The following DYDC2 variants were observed in gnomAD, a reference collection of about 807,000 sequenced individuals.
DYDC2 encodes the protein DPY30 domain containing 2, also known as DPY30 domain-containing protein 2.
In DYDC2, 19 loss-of-function variants were observed where a neutral mutation model predicts 18.7. The ratio of observed to expected loss-of-function variants is 1.02; its 90% CI spans 0.71 to 1.49. DYDC2 has a LOEUF of 1.49. Ranked by LOEUF, DYDC2 falls within the 40% of genes most tolerant of loss-of-function variation. The pLI is 0.00. For synonymous variants in DYDC2, 63 were observed against 67.6 expected, an observed-to-expected ratio of 0.93 and a Z score of 0.34; for missense variants, 179 against 205.1, an observed-to-expected ratio of 0.87 and a Z score of 0.78.
intron 2 of DYDC2, among the ~76,000 whole-genome samples, chr10:80,360,842 C>T: frequency 6.6e-6 from 1 of 151,602 alleles, no homozygotes; most frequent in East Asian, 1.9e-4. Flanking sequence ...GCATTGCAGC[C>T]ACAACCTCCT....
intron 4 of DYDC2, among the ~76,000 whole-genome samples, chr10:80,363,511 ATT>A (rs1554848200): frequency 4.3e-5 from 6 of 140,416 alleles, no homozygotes; most frequent in Admixed American, 2.1e-4. Context: ...CGCCCGGCTA[ATT>A]TTTTTTTTTT....
chr10:80,352,573 A>G (rs774598857), upstream of DYDC2: 15 of 1,611,670 alleles, frequency 9.3e-6, no homozygotes, highest in Admixed American at 1.2e-4. Flanking sequence ...ACAGGCCCCA[A>G]GGTGCTTTTG....
chr10:80,358,136 G>C, intron 2 of DYDC2, 91 bp downstream of exon 2: 2 of 899,366 alleles, frequency 2.2e-6, no homozygotes, highest in Non-Finnish European at 2.7e-6. Flanking sequence ...CTAGCACTTT[G>C]GGAGGCGGAG....
chr10:80,356,053 G>A (rs1843348701), upstream of DYDC2, among the ~76,000 whole-genome samples: 1 of 151,868 alleles, frequency 6.6e-6, no homozygotes. Context: ...ATGTGGGAAG[G>A]GAGGAAGGGG....
At chr10:80,357,065 C>T (rs1184987200) in intron 1 of DYDC2, among the ~76,000 whole-genome samples, 8 of 77,444 alleles carry the variant, frequency 1.0e-4, no homozygotes, top group African/African-American at 3.7e-4. Context: ...CGGAAGGGGG[C>T]GCGCGCCAGG....
Position 80,366,841 on chromosome 10 carries a change from G to A in DYDC2, c.424G>A (p.Ala142Thr). The A allele has an allele frequency of 3.1e-6, 5 of 1,614,166 alleles. No homozygotes were observed. Among genetic ancestry groups the A allele is most frequent in the South Asian group, 2.2e-5 (2 of 91,080 alleles). ...TCAACAGGTTCCTCCTTCAGAGTCT[G>A]CTGGCCAGATTGACCAGAACTTCAA... ...MPQQVPPSESAGQIDQNFKMP... is the reference protein window; with the variant it reads ...MPQQVPPSESTGQIDQNFKMP... Residue 142 changes from alanine (A) to threonine (T), a missense_variant, in exon 5 of 5, where the codon GCT becomes ACT. Ala to Thr is a moderately conservative substitution (Grantham distance 58, BLOSUM62 0). Coordinates refer to ENST00000256039, the MANE Select transcript of DYDC2 (RefSeq NM_032372.6).
chr10:80,345,314 C>T (rs539324874), intron 1 of DYDC2, among the ~76,000 whole-genome samples: 1 of 152,260 alleles, frequency 6.6e-6, no homozygotes, highest in South Asian at 2.1e-4. Context: ...CAAGATTTAA[C>T]TTTTTATTGT....
rs533894073 is a variant in DYDC2, at chr10:80,366,322, C to T, written c.271-366C>T. Among the ~76,000 whole-genome samples the T allele has an allele frequency of 3.2e-4, 48 of 152,328 alleles. 1 individual carries two copies. The highest frequency in any genetic ancestry group is 9.9e-4 in the African/African-American group (41 of 41,580). ...CTGGGATTACAGGCATAAGCCACCA[C>T]GCCCAGCCCATTCTGGGGCCTTTTT... On this transcript the variant is annotated intron_variant, in intron 4 of 4. Coordinates refer to ENST00000256039, the MANE Select transcript of DYDC2 (RefSeq NM_032372.6).
At position 80,362,495 on chromosome 10, in the gene DYDC2, C is replaced by T. The variant is rs1843692584; in HGVS notation, c.52C>T (p.Leu18=). The stretch of plus-strand genomic sequence containing the variant: ...CTTTGGAAATTGCCTGGCCCAGGCA[C>T]TGGCAGAGGTGGCGAAGGTTCGGCC... ...RCFGNCLAQA[L]AEVAKVRPSD... The change falls in exon 3 of 5, where the codon CTG becomes TTG. Residue 18 remains leucine (L), a synonymous_variant. Coordinates refer to ENST00000256039, the MANE Select transcript of DYDC2 (RefSeq NM_032372.6). The T allele has an allele frequency of 1.2e-6, 2 of 1,614,114 alleles. No homozygotes were observed. Among genetic ancestry groups the T allele is most frequent in the East Asian group, 4.5e-5 (2 of 44,882 alleles).
intron 4 of DYDC2, among the ~76,000 whole-genome samples, chr10:80,363,918 G>A (rs887109144): frequency 5.9e-5 from 9 of 152,108 alleles, no homozygotes; most frequent in Admixed American, 2.6e-4. Context: ...CTCTGCATTC[G>A]TCAGTCTGAC....
chr10:80,348,568 T>C (rs1043124587), intron 1 of DYDC2, among the ~76,000 whole-genome samples: 1 of 152,248 alleles, frequency 6.6e-6, no homozygotes, highest in African/African-American at 2.4e-5. Flanking sequence ...GGATGTATTT[T>C]CCAACCTCGA....
chr10:80,352,297 G>A (rs1843042794), upstream of DYDC2: 1 of 1,114,748 alleles, frequency 9.0e-7, no homozygotes, highest in Non-Finnish European at 1.2e-6. Flanking sequence ...TCTTCTTTGG[G>A]TAATGTTTTC....
At chr10:80,352,375 T>C (rs1843046276), upstream of DYDC2, 9 of 1,390,534 alleles carry the variant, frequency 6.5e-6, no homozygotes, top group Non-Finnish European at 8.4e-6. Context: ...AGAAAAATAA[T>C]AATGTTAAAC....
chr10:80,347,276 C>CTTTTTTTTTTTTTTT (rs556362145), intron 1 of DYDC2, among the ~76,000 whole-genome samples: 2 of 90,114 alleles, frequency 2.2e-5, no homozygotes, highest in African/African-American at 4.4e-5. Flanking sequence ...AATTGGGATC[C>CTTTTTTTTTTTTTTT]TTTTTTTTTT....
intron 2 of DYDC2, among the ~76,000 whole-genome samples, chr10:80,359,530 G>A (rs531781554): frequency 3.9e-5 from 6 of 152,246 alleles, no homozygotes; most frequent in South Asian, 2.1e-4. Flanking sequence ...CGATGGGACC[G>A]GGCACCGCGG....
At chr10:80,365,713 GCTT>G (rs1327588446) in intron 4 of DYDC2, among the ~76,000 whole-genome samples, 1 of 152,138 alleles carries the variant, frequency 6.6e-6, no homozygotes, top group African/African-American at 2.4e-5. Context: ...GGTCACTGAA[GCTT>G]GTTTGTTTTT....
At chr10:80,344,920 C>T (rs1264675988) in intron 1 of DYDC2, 2 of 154,588 alleles carry the variant, frequency 1.3e-5, no homozygotes, top group African/African-American at 4.8e-5. Context: ...CAGACAAGAG[C>T]ATTTTCAAAG....
intron 1 of DYDC2, among the ~76,000 whole-genome samples, chr10:80,350,221 C>T (rs1159509156): frequency 6.6e-6 from 1 of 152,196 alleles, no homozygotes; most frequent in East Asian, 1.9e-4. Context: ...TGGATTAGTT[C>T]ATACCGGTCA....
At chr10:80,362,732 G>A (rs1843702816) in intron 3 of DYDC2, 142 bp downstream of exon 3, 3 of 1,395,874 alleles carry the variant, frequency 2.1e-6, no homozygotes, top group Non-Finnish European at 2.9e-6. Context: ...TATCCCTGAA[G>A]CATGGGGATC....
Sources: allele counts gnomAD v4.1 joint callset (sites outside exome capture counted in the v4.1 genomes callset), GRCh38; gene constraint gnomAD v4.1.1; transcripts MANE v1.5; gene names NCBI Gene and HGNC (gene_info 2026-07-23, HGNC 2026-07-21).